LSAMP: variants seen among roughly 807,000 people sequenced by gnomAD.
LSAMP encodes limbic system-associated membrane protein.
Under a neutral mutation model 38.6 loss-of-function variants are expected in LSAMP, and 7 were observed. The ratio of observed to expected loss-of-function variants is 0.18; its 90% CI spans 0.10 to 0.34. The LOEUF (loss-of-function observed/expected upper bound fraction) is 0.34. Among genes scored for constraint, LSAMP ranks in the 10% least tolerant of loss-of-function variants. The probability of loss-of-function intolerance (pLI) is 1.00; values close to 1 mark genes in which losing one functional copy is unlikely to be tolerated. For synonymous variants in LSAMP, 154 were observed against 166.8 expected (o/e 0.92, Z 0.59); for missense variants, 313 against 420.0 (o/e 0.75, Z 2.23).
intron 3 of LSAMP, among the ~76,000 whole-genome samples, chr3:116,001,298 C>G (rs1182496822): frequency 6.6e-6 from 1 of 152,174 alleles, no homozygotes; most frequent in Non-Finnish European, 1.5e-5. Context: ...AAAATATGTG[C>G]TAACATCACT....
At chr3:116,084,259 G>A (rs199638327) in intron 2 of LSAMP, among the ~76,000 whole-genome samples, 1 of 152,000 alleles carries the variant, frequency 6.6e-6, no homozygotes, top group East Asian at 1.9e-4. Flanking sequence ...CATTTGCACT[G>A]CCATGTCAGG....
intron 1 of LSAMP, among the ~76,000 whole-genome samples, chr3:116,310,073 C>T (rs2047536090): frequency 6.6e-6 from 1 of 152,064 alleles, no homozygotes; most frequent in Non-Finnish European, 1.5e-5. Context: ...ACACATTTCC[C>T]CTTTTATCTA....
chr3:116,342,393 A>G (rs2048008141), intron 1 of LSAMP, among the ~76,000 whole-genome samples: 1 of 152,086 alleles, frequency 6.6e-6, no homozygotes. Flanking sequence ...AAGTAAAACA[A>G]TAAAGGAAAG....
At chr3:115,898,934 G>T (rs1312038167) in intron 3 of LSAMP, among the ~76,000 whole-genome samples, 1 of 152,090 alleles carries the variant, frequency 6.6e-6, no homozygotes, top group African/African-American at 2.4e-5. Flanking sequence ...CAGTGGCCAA[G>T]GGGCTGTCAT....
intron 3 of LSAMP, among the ~76,000 whole-genome samples, chr3:115,875,226 G>A (rs1936151388): frequency 1.3e-5 from 2 of 152,056 alleles, no homozygotes; most frequent in South Asian, 2.1e-4. Flanking sequence ...GAAGCGAGGC[G>A]AGTAACCTTA....
intron 6 of LSAMP, among the ~76,000 whole-genome samples, chr3:115,839,938 G>A (rs1934942849): frequency 6.6e-6 from 1 of 152,172 alleles, no homozygotes; most frequent in Admixed American, 6.5e-5. Flanking sequence ...TCCTTTAAAT[G>A]GACTTCTGTT....
intron 1 of LSAMP, among the ~76,000 whole-genome samples, chr3:116,191,774 G>C (rs10804522): frequency 0.24 from 33,526 of 138,614 alleles, 3,821 homozygotes; most frequent in Admixed American, 0.3. Context: ...GGCTTCTAAA[G>C]CAAGATTTTC....
At chr3:116,068,282 G>A (rs1707509459) in intron 2 of LSAMP, among the ~76,000 whole-genome samples, 1 of 152,104 alleles carries the variant, frequency 6.6e-6, no homozygotes, top group Non-Finnish European at 1.5e-5. Flanking sequence ...ATCCAGAAGA[G>A]TAATTTTAAA....
intron 1 of LSAMP, among the ~76,000 whole-genome samples, chr3:116,328,563 C>A (rs2047805598): frequency 6.6e-6 from 1 of 152,028 alleles, no homozygotes; most frequent in Admixed American, 6.6e-5. Context: ...AAAATGAGAA[C>A]CATTTGTTAA....
At chr3:116,368,986 G>A (rs1034680664) in intron 1 of LSAMP, among the ~76,000 whole-genome samples, 2 of 152,158 alleles carry the variant, frequency 1.3e-5, no homozygotes, top group Non-Finnish European at 2.9e-5. Context: ...TGGGTATGAG[G>A]TAATTTGTAT....
At chr3:116,323,443 C>T (rs1177137191) in intron 1 of LSAMP, among the ~76,000 whole-genome samples, 2 of 152,074 alleles carry the variant, frequency 1.3e-5, no homozygotes, top group East Asian at 1.9e-4. Flanking sequence ...GTAAAACATC[C>T]ATTCAAAGTC....
At chr3:116,283,283 T>A (rs1292486525) in intron 1 of LSAMP, among the ~76,000 whole-genome samples, 1 of 152,198 alleles carries the variant, frequency 6.6e-6, no homozygotes, top group Non-Finnish European at 1.5e-5. Flanking sequence ...TAGTTACGTG[T>A]TCATCGGTGC....
chr3:115,921,417 C>T (rs1937378954), intron 3 of LSAMP, among the ~76,000 whole-genome samples: 1 of 152,090 alleles, frequency 6.6e-6, no homozygotes. Flanking sequence ...GCTGACAATT[C>T]TATTGCATAC....
rs1356493766 is a variant in LSAMP, at chr3:116,445,390, T to C, written c.-359A>G. 1.3e-5 allele frequency: 6 copies of C among 450,506 alleles called. No homozygotes were observed. The highest frequency in any genetic ancestry group is 2.3e-5 in the Non-Finnish European group (6 of 259,164). The allele number at this position is 450,506 out of a possible 1,614,324, so 27.9% of individuals were successfully genotyped here. A position where few individuals can be genotyped will look rare whatever the true frequency, so the allele number is the denominator to read the frequency against. ...TCCTCTGCCAGTGTCTGAGCTGAGC[T>C]CCTTCGCTCTGTAACCCACTTTCCC... On this transcript the variant is annotated 5_prime_UTR_variant, in exon 1 of 7. Coordinates refer to ENST00000490035, the MANE Select transcript of LSAMP (RefSeq NM_002338.5).
At chr3:115,876,278 C>CTTTT (rs58536199) in intron 3 of LSAMP, among the ~76,000 whole-genome samples, 1 of 123,256 alleles carries the variant, frequency 8.1e-6, no homozygotes, top group Admixed American at 8.1e-5. Flanking sequence ...AAGGAAAAAG[C>CTTTT]TTTTTTTTTT....
At chr3:116,094,960 T>C (rs1376161469) in intron 1 of LSAMP, among the ~76,000 whole-genome samples, 1 of 152,204 alleles carries the variant, frequency 6.6e-6, no homozygotes, top group Non-Finnish European at 1.5e-5. Context: ...ATATATATGC[T>C]TATATTCATA....
intron 2 of LSAMP, among the ~76,000 whole-genome samples, chr3:116,024,731 A>G (rs1238495646): frequency 1.3e-5 from 2 of 151,884 alleles, no homozygotes; most frequent in East Asian, 3.9e-4. Flanking sequence ...GTGGCAATTC[A>G]AAAATTTTAT....
intron 1 of LSAMP, among the ~76,000 whole-genome samples, chr3:116,244,921 G>A (rs756433976): frequency 6.6e-6 from 1 of 152,038 alleles, no homozygotes. Flanking sequence ...CAAATGGTTC[G>A]AGTGTTCAGA....
chr3:115,930,002 GTTTTTTTTTT>G (rs1170325465), intron 3 of LSAMP, among the ~76,000 whole-genome samples: 49 of 80,294 alleles, frequency 6.1e-4, no homozygotes, highest in Admixed American at 1.3e-3. Flanking sequence ...TTTAGCAGAA[GTTTTTTTTTT>G]TTTTTTTTTT....
Sources: allele counts gnomAD v4.1 joint callset (sites outside exome capture counted in the v4.1 genomes callset), GRCh38; gene constraint gnomAD v4.1.1; transcripts MANE v1.5; gene names NCBI Gene and HGNC (gene_info 2026-07-23, HGNC 2026-07-21).